WNT3A: variants seen among roughly 807,000 people sequenced by gnomAD.
WNT3A encodes the protein Wnt family member 3A.
In WNT3A, 17 loss-of-function variants were observed where a neutral mutation model predicts 37.0. The ratio of observed to expected loss-of-function variants is 0.46; its 90% confidence interval spans 0.31 to 0.69. WNT3A has a LOEUF of 0.69. Ranked by LOEUF, WNT3A falls within the 30% of genes least tolerant of loss-of-function variation. The probability of loss-of-function intolerance (pLI) is 0.05; values close to 1 mark genes in which losing one functional copy is unlikely to be tolerated. For synonymous variants in WNT3A, 187 were observed against 211.0 expected, an observed-to-expected ratio of 0.89 and a Z score of 0.99; for missense variants, 411 against 510.2, an observed-to-expected ratio of 0.81 and a Z score of 1.87.
chr1:228,028,393 A>T (rs1339625138), intron 2 of WNT3A, among the ~76,000 whole-genome samples: 2 of 150,532 alleles, frequency 1.3e-5, no homozygotes, highest in African/African-American at 4.9e-5. Context: ...TCCCAGGTTC[A>T]AGCCATCTCC....
chr1:228,013,808 C>T (rs1202872309), intron 1 of WNT3A, among the ~76,000 whole-genome samples: 5 of 152,232 alleles, frequency 3.3e-5, no homozygotes, highest in Admixed American at 3.3e-4. Context: ...GGTCATCCAC[C>T]AACAGGGAAA....
At chr1:228,020,259 C>T (rs1463518657) in intron 1 of WNT3A, among the ~76,000 whole-genome samples, 1 of 152,222 alleles carries the variant, frequency 6.6e-6, no homozygotes, top group Non-Finnish European at 1.5e-5. Flanking sequence ...CAGTCCTGGG[C>T]GAAGCAGACA....
In WNT3A at chr1:228,037,897, C is replaced by A. The variant is rs1173467343; in HGVS notation, c.314-12759C>A. On this transcript the variant is annotated intron_variant, in intron 2 of 3. Coordinates refer to ENST00000284523, the MANE Select transcript of WNT3A (RefSeq NM_033131.4). This position sits in a 1 kb window ranked among gnomAD's most constrained non-coding sequence, Gnocchi z 4.1. ...AATGGGGATTTCCCCTCGCGCCGGA[C>A]GGCCTGGCGCGCGGCGCATACTTCC... 1.3e-5 allele frequency among the ~76,000 whole-genome samples: 2 copies of A among 152,220 alleles called. No homozygotes were observed. Among genetic ancestry groups the A allele is most frequent in the Non-Finnish European group, 2.9e-5 (2 of 68,020 alleles).
At chr1:228,041,374 T>C (rs1394416367) in intron 2 of WNT3A, among the ~76,000 whole-genome samples, 2 of 151,974 alleles carry the variant, frequency 1.3e-5, no homozygotes, top group African/African-American at 2.4e-5. Context: ...TCCGACTTTA[T>C]CCATCCATCC....
At chr1:228,058,868 C>T (rs1028646576) in intron 3 of WNT3A, 118 bp from the exon 4 acceptor site, 5 of 1,058,486 alleles carry the variant, frequency 4.7e-6, no homozygotes, top group Non-Finnish European at 6.7e-6. Flanking sequence ...TGGGAGTCTG[C>T]CCCCTCTGCC....
chr1:228,020,181 C>CCACT (rs571828393), intron 1 of WNT3A, among the ~76,000 whole-genome samples: 176 of 152,342 alleles, frequency 1.2e-3, no homozygotes, highest in African/African-American at 4.1e-3. Flanking sequence ...TGAGATCACA[C>CCACT]CACTGCACTC....
chr1:228,012,299 G>A (rs2030397146), intron 1 of WNT3A, among the ~76,000 whole-genome samples: 1 of 152,216 alleles, frequency 6.6e-6, no homozygotes, highest in African/African-American at 2.4e-5. Context: ...TCAATGTGGG[G>A]CCTACCATGC....
chr1:228,023,384 C>T (rs564078987), intron 2 of WNT3A, among the ~76,000 whole-genome samples: 2 of 149,524 alleles, frequency 1.3e-5, no homozygotes, highest in South Asian at 2.2e-4. Context: ...AACAGTGAGA[C>T]GGAGAAAGAG....
chr1:228,026,639 T>G (rs888716700), intron 2 of WNT3A, among the ~76,000 whole-genome samples: 1 of 152,180 alleles, frequency 6.6e-6, no homozygotes, highest in Non-Finnish European at 1.5e-5. Flanking sequence ...GAGTCTCCAG[T>G]GTCCATGATA....
intron 3 of WNT3A, among the ~76,000 whole-genome samples, chr1:228,055,172 AAAAAAAAATATATATAT>A (rs1180466193): frequency 2.8e-4 from 20 of 71,418 alleles, no homozygotes; most frequent in African/African-American, 5.0e-4. Context: ...AAAAAAAAAA[AAAAAAAAATATATATAT>A]ATATATATAT....
Position 228,059,360 on chromosome 1 carries a change from G to T in WNT3A, c.954G>T (p.Ala318=), listed in dbSNP as rs1291404657. 1 of 1,563,552 alleles carries T rather than the reference G, an allele frequency of 6.4e-7. No individual in the cohort carries two copies. Among genetic ancestry groups the T allele is most frequent in the Admixed American group, 1.8e-5 (1 of 54,110 alleles). Residue 318 remains alanine, a synonymous_variant, in exon 4 of 4, where the codon GCG becomes GCT. Coordinates refer to ENST00000284523, the MANE Select transcript of WNT3A (RefSeq NM_033131.4). The stretch of plus-strand genomic sequence containing the variant: ...TGTGCTGCGGCCGCGGCCACAACGC[G>T]CGAGCGGAGCGGCGCCGGGAGAAGT... ...DLLCCGRGHN[A]RAERRREKCR... is the part of the protein sequence containing the mutation.
chr1:228,046,384 C>T (rs1043632095), intron 2 of WNT3A, among the ~76,000 whole-genome samples: 3 of 149,404 alleles, frequency 2.0e-5, no homozygotes, highest in African/African-American at 7.4e-5. Context: ...TATGTGCATC[C>T]GTGGGAGGTG....
chr1:228,014,842 G>A (rs1192415468), intron 1 of WNT3A, among the ~76,000 whole-genome samples: 1 of 152,226 alleles, frequency 6.6e-6, no homozygotes, highest in African/African-American at 2.4e-5. Context: ...AAGTGAGGGA[G>A]TGGGGAAGAA....
Position 228,038,815 on chromosome 1 carries a change from G to A in WNT3A, c.314-11841G>A, listed in dbSNP as rs1226049079. The stretch of plus-strand genomic sequence containing the variant: ...AGTACAGGGAGACTGCTCCTCACTG[G>A]TGCATGGAAAGGGCTGGCAGATCAG... On this transcript the variant is annotated intron_variant, in intron 2 of 3. Coordinates refer to ENST00000284523, the MANE Select transcript of WNT3A (RefSeq NM_033131.4). The surrounding 1 kb of genome is among the most constrained non-coding windows in gnomAD (Gnocchi z 5.7). Among the ~76,000 whole-genome samples the A allele has an allele frequency of 6.6e-6, 1 of 152,196 alleles. No homozygotes were observed. Among genetic ancestry groups the A allele is most frequent in the Non-Finnish European group, 1.5e-5 (1 of 68,028 alleles).
chr1:228,056,798 A>T (rs1174731143), intron 3 of WNT3A, among the ~76,000 whole-genome samples: 1 of 152,268 alleles, frequency 6.6e-6, no homozygotes, highest in Non-Finnish European at 1.5e-5. Context: ...TTTGGGCTTC[A>T]GGATCAGGAA....
At position 228,042,858 on chromosome 1, in the gene WNT3A, T is replaced by C. The variant is rs536725104; in HGVS notation, c.314-7798T>C. Among the ~76,000 whole-genome samples, 427 of 149,262 alleles carry C rather than the reference T, an allele frequency of 2.9e-3. 1 individual carries two copies. Among genetic ancestry groups the C allele is most frequent in the African/African-American group, 0.01 (404 of 40,304 alleles). ...GATGTGGATGACAGATGATGGGTGA[T>C]GGGTGGATGGATAGATGGGTGGTGG... On this transcript the variant is annotated intron_variant, in intron 2 of 3. Transcript: ENST00000284523. This position sits in a 1 kb window ranked among gnomAD's most constrained non-coding sequence, Gnocchi z 5.2.
chr1:228,030,348 A>G (rs2030969970), intron 2 of WNT3A, among the ~76,000 whole-genome samples: 1 of 151,582 alleles, frequency 6.6e-6, no homozygotes, highest in South Asian at 2.1e-4. Flanking sequence ...GTGAGCCGAG[A>G]TCGCTTCACT....
At chr1:228,026,670 T>C (rs1320296635) in intron 2 of WNT3A, among the ~76,000 whole-genome samples, 1 of 152,160 alleles carries the variant, frequency 6.6e-6, no homozygotes, top group East Asian at 1.9e-4. Flanking sequence ...TGCCTTTGTG[T>C]TCTCATAGCT....
At chr1:228,013,906 A>G (rs2030449948) in intron 1 of WNT3A, among the ~76,000 whole-genome samples, 1 of 152,190 alleles carries the variant, frequency 6.6e-6, no homozygotes. Flanking sequence ...TTGGAACAGG[A>G]TGTTTGCTCC....
Sources: allele counts gnomAD v4.1 joint callset (sites outside exome capture counted in the v4.1 genomes callset), GRCh38; gene constraint gnomAD v4.1.1; non-coding constraint Gnocchi (gnomAD v3.1); transcripts MANE v1.5; gene names NCBI Gene and HGNC (gene_info 2026-07-23, HGNC 2026-07-21).